The following COL12A1 variants were observed in gnomAD, a reference collection of about 807,000 sequenced individuals.
COL12A1 encodes the protein collagen alpha-1(XII) chain.
Under a neutral mutation model 349.7 loss-of-function variants are expected in COL12A1, and 114 were observed. The ratio of observed to expected loss-of-function variants is 0.33; its 90% CI spans 0.28 to 0.38. COL12A1 has a LOEUF of 0.38. Among genes scored for constraint, COL12A1 ranks in the 10% least tolerant of loss-of-function variants. The probability of loss-of-function intolerance (pLI) is 1.00; values close to 1 mark genes in which losing one functional copy is unlikely to be tolerated. For missense variants in COL12A1, 3,284 were observed against 3,756.9 expected (o/e 0.87, Z 3.29); for synonymous variants, 1,369 against 1,329.0 (o/e 1.03, Z -0.66).
intron 38 of COL12A1, 132 bp downstream of exon 38, chr6:75,128,161 AAAT>A (rs1442202352): frequency 1.3e-6 from 1 of 740,826 alleles, no homozygotes; most frequent in Admixed American, 3.2e-5. Flanking sequence ...TGTCTAATAA[AAAT>A]AATACAATAT....
intron 1 of COL12A1, among the ~76,000 whole-genome samples, chr6:75,203,359 A>G (rs888929102): frequency 6.6e-6 from 1 of 152,206 alleles, no homozygotes; most frequent in Admixed American, 6.5e-5. Flanking sequence ...TGGATTATAC[A>G]GAAATATGTA....
At chr6:75,163,537 A>G (rs1266038523) in intron 14 of COL12A1, among the ~76,000 whole-genome samples, 4 of 152,182 alleles carry the variant, frequency 2.6e-5, no homozygotes, top group Admixed American at 6.5e-5. Flanking sequence ...GGGGAGGGAT[A>G]GCATTAGGAG....
intron 23 of COL12A1, among the ~76,000 whole-genome samples, chr6:75,147,153 G>A (rs1392317813): frequency 6.6e-6 from 1 of 152,206 alleles, no homozygotes; most frequent in East Asian, 1.9e-4. Flanking sequence ...AAAGAAAAGA[G>A]AAGATCTCAC....
chr6:75,185,890 G>T (rs1037888925), intron 8 of COL12A1, among the ~76,000 whole-genome samples: 1 of 152,126 alleles, frequency 6.6e-6, no homozygotes, highest in Non-Finnish European at 1.5e-5. Flanking sequence ...TCAATAAATG[G>T]TGCTCAGATA....
Position 75,128,621 on chromosome 6 carries a change from C to A in COL12A1, c.6211-196G>T, listed in dbSNP as rs62415671. On this transcript the variant is annotated intron_variant, in intron 37 of 65. Coordinates refer to ENST00000322507, the MANE Select transcript of COL12A1 (RefSeq NM_004370.6). The stretch of plus-strand genomic sequence containing the variant: ...ATAGGAGAGTGGTTTTAGAATCAGA[C>A]AGCTCTGGGTTCAAATCCCAGATCA... Among the ~76,000 whole-genome samples the A allele has an allele frequency of 6.2e-3, 946 of 152,276 alleles. 3 individuals carry two copies. Among genetic ancestry groups the A allele is most frequent in the Non-Finnish European group, 9.0e-3 (613 of 68,012 alleles).
intron 12 of COL12A1, among the ~76,000 whole-genome samples, chr6:75,176,487 G>A (rs1013712585): frequency 6.6e-6 from 1 of 151,594 alleles, no homozygotes; most frequent in Non-Finnish European, 1.5e-5. Context: ...GGAGGAGGGA[G>A]AGGAATGCAG....
intron 2 of COL12A1, 52 bp from the exon 3 acceptor site, chr6:75,194,999 C>A: frequency 1.0e-6 from 1 of 996,144 alleles, no homozygotes; most frequent in Non-Finnish European, 1.5e-6. Context: ...ACAAAATGGT[C>A]AATTTAATTA....
Position 75,106,466 on chromosome 6 carries a change from T to C in COL12A1, c.8131A>G (p.Ser2711Gly). Residue 2711 changes from serine to glycine, a missense_variant, in exon 53 of 66, where the codon AGT becomes GGT. Physicochemically the swap from Ser to Gly is moderately conservative, Grantham distance 56. Coordinates refer to ENST00000322507, the MANE Select transcript of COL12A1 (RefSeq NM_004370.6). ...FQIQSFDIVC[S>G]PVWTSRDRCC... ...CTGTCTCTACTGGTCCACACTGGAC[T>C]GCAGACAATGTCAAAACTCTGGATT... 1 of 1,613,994 alleles carries C rather than the reference T, an allele frequency of 6.2e-7. No individual in the cohort carries two copies. The highest frequency in any genetic ancestry group is 8.5e-7 in the Non-Finnish European group (1 of 1,179,874).
chr6:75,128,904 A>T (rs752910979), intron 37 of COL12A1, among the ~76,000 whole-genome samples: 12 of 152,184 alleles, frequency 7.9e-5, no homozygotes, highest in Non-Finnish European at 1.6e-4. Flanking sequence ...TGGCCTCAAA[A>T]ATATCAGTTT....
rs1277271890 is a variant in COL12A1 at position 75,156,146 on chromosome 6, T to G, written c.3250+111A>C. On this transcript the variant is annotated intron_variant, in intron 15 of 65. Coordinates refer to ENST00000322507, the MANE Select transcript of COL12A1 (RefSeq NM_004370.6). ...TAGACATTGTCTAGTAATTATAATT[T>G]AACTTATTACGGAATCAGTTTTAAA... 1.1e-5 allele frequency: 15 copies of G among 1,304,672 alleles called. No individual in the cohort carries two copies. In the South Asian group the frequency reaches 2.0e-4, roughly 17 times the overall value. 80.8% of individuals were successfully genotyped at this position (1,304,672 alleles called of 1,614,324 possible).
At chr6:75,188,912 A>T (rs1049094051) in intron 7 of COL12A1, among the ~76,000 whole-genome samples, 1 of 152,102 alleles carries the variant, frequency 6.6e-6, no homozygotes, top group Admixed American at 6.6e-5. Context: ...CATAAAAAAC[A>T]CTTAATGATA....
At chr6:75,157,913 T>C (rs1251061839) in intron 14 of COL12A1, among the ~76,000 whole-genome samples, 2 of 152,122 alleles carry the variant, frequency 1.3e-5, no homozygotes, top group African/African-American at 4.8e-5. Flanking sequence ...TAGTAGGTGA[T>C]TGTCTCAATA....
rs745597189 is a variant in COL12A1 at position 75,115,771 on chromosome 6, T to C, written c.7697+13A>G. 1.9e-6 allele frequency: 3 copies of C among 1,581,366 alleles called. No individual in the cohort carries two copies. Among genetic ancestry groups the C allele is most frequent in the African/African-American group, 1.4e-5 (1 of 72,994 alleles). On this transcript the variant is annotated intron_variant, in intron 49 of 65. Transcript: ENST00000322507. ...GTCTTAAGAAAAGGAAAACCTCCTG[T>C]TGTCACACTTACGCTGTAGGCTGAT...
chr6:75,136,209 A>G (rs1189202102), intron 31 of COL12A1, among the ~76,000 whole-genome samples: 4 of 152,232 alleles, frequency 2.6e-5, no homozygotes, highest in African/African-American at 9.6e-5. Flanking sequence ...TGCCACAGAA[A>G]AAAAAGAAGT....
chr6:75,156,113 A>G, intron 15 of COL12A1, 144 bp downstream of exon 15: 1 of 1,072,202 alleles, frequency 9.3e-7, no homozygotes, highest in Non-Finnish European at 1.3e-6. Flanking sequence ...TAAAAATAAC[A>G]TGTTATTTAG....
chr6:75,140,655 C>CAAAAAAAAAAAAAAAAAAAAAAA (rs1236499281), intron 27 of COL12A1, among the ~76,000 whole-genome samples: 1 of 46,134 alleles, frequency 2.2e-5, no homozygotes, highest in African/African-American at 9.0e-5. Context: ...GACTCTGTCT[C>CAAAAAAAAAAAAAAAAAAAAAAA]AAAAAAAAAA....
intron 65 of COL12A1, 87 bp from the exon 66 acceptor site, chr6:75,086,644 T>G (rs2149321272): frequency 3.2e-6 from 2 of 630,656 alleles, no homozygotes; most frequent in East Asian, 4.2e-5. Context: ...ATGTAATGGT[T>G]AAAGTATATA....
chr6:75,147,819 TA>T lies in COL12A1; in HGVS notation c.4288-16del. 6.2e-7 allele frequency: 1 copy of T among 1,611,262 alleles called. No individual in the cohort carries two copies. Reference sequence around the variant, plus strand: ...CTCACATAAAACTAGGGGGAAAAATTAAACAGAGCAACAACGTATGTATAAT... The same window carrying T: ...CTCACATAAAACTAGGGGGAAAAATTAACAGAGCAACAACGTATGTATAAT... On this transcript the variant is annotated splice_polypyrimidine_tract_variant and intron_variant, in intron 22 of 65. Coordinates refer to ENST00000322507, the MANE Select transcript of COL12A1 (RefSeq NM_004370.6).
chr6:75,128,181 G>T (rs1273970669), intron 38 of COL12A1, 115 bp downstream of exon 38: 6 of 811,026 alleles, frequency 7.4e-6, no homozygotes, highest in Middle Eastern at 3.0e-4. Context: ...ATATTAGTGT[G>T]GTATTTGAGA....
Sources: gnomAD v4.1 joint callset for allele counts (sites outside exome capture counted in the v4.1 genomes callset) on GRCh38, gnomAD v4.1.1 for gene constraint, MANE v1.5 for transcripts, NCBI Gene and HGNC (gene_info 2026-07-23, HGNC 2026-07-21) for gene names.